GRIA3: variants seen among roughly 807,000 people sequenced by gnomAD.
GRIA3 encodes glutamate receptor 3.
Under a neutral mutation model 63.0 loss-of-function variants are expected in GRIA3, and 3 were observed. That is an observed-to-expected ratio of 0.05 (90% confidence interval 0.02 to 0.12). The LOEUF is 0.12. Ranked by LOEUF, GRIA3 falls within the 10% of genes least tolerant of loss-of-function variation. The pLI is 1.00. For synonymous variants in GRIA3, 274 were observed against 257.9 expected (o/e 1.06, Z -0.60); for missense variants, 347 against 700.9 (o/e 0.50, Z 5.70).
intron 10 of GRIA3, 122 bp from the exon 11 acceptor site, chrX:123,417,280 C>T (rs938512188): frequency 5.3e-5 from 31 of 588,500 alleles, no homozygotes; most frequent in East Asian, 3.4e-5. Context: ...ATTGATAATT[C>T]AATTGGTTGT....
At chrX:123,446,859 C>T (rs2045705508) in intron 12 of GRIA3, among the ~76,000 whole-genome samples, 1 of 111,119 alleles carries the variant, frequency 9.0e-6, no homozygotes, top group African/African-American at 3.3e-5. Context: ...AAAGGAGAAC[C>T]ACATAATTTT....
At position 123,398,598 on chromosome X, in the gene GRIA3, T is replaced by C. The variant is rs767949318; in HGVS notation, c.913-38T>C. On this transcript the variant is annotated intron_variant, in intron 6 of 15. Transcript: ENST00000620443. The stretch of plus-strand genomic sequence containing the variant: ...AACAAGGCAAATTTTGAGGGTATCA[T>C]TTATCATGATATCTTGTTTTTCATG... 3.2e-5 allele frequency: 36 copies of C among 1,134,163 alleles called. No homozygotes were observed. The East Asian group carries it at 8.7e-4, about 27-fold the overall frequency. 93.5% of individuals were successfully genotyped at this position (1,134,163 alleles called of 1,213,427 possible).
intron 2 of GRIA3, among the ~76,000 whole-genome samples, chrX:123,189,953 A>G (rs1927384784): frequency 8.9e-6 from 1 of 112,168 alleles, no homozygotes; most frequent in African/African-American, 3.2e-5. Flanking sequence ...TAGCTGAGAC[A>G]GGTTTCTGTC....
At chrX:123,482,684 C>T (rs948893613) in intron 14 of GRIA3, 115 bp from the exon 15 acceptor site, 1 of 842,910 alleles carries the variant, frequency 1.2e-6, no homozygotes, top group Non-Finnish European at 1.8e-6. Context: ...ATAACACTTA[C>T]ATCAATGTTT....
intron 2 of GRIA3, among the ~76,000 whole-genome samples, chrX:123,194,493 T>C (rs1238783896): frequency 9.0e-6 from 1 of 111,586 alleles, no homozygotes; most frequent in Non-Finnish European, 1.9e-5. Flanking sequence ...AGTAAAGCCA[T>C]TAATGTCCAA....
At chrX:123,362,729 AG>A (rs2045184684) in intron 5 of GRIA3, among the ~76,000 whole-genome samples, 1 of 93,596 alleles carries the variant, frequency 1.1e-5, no homozygotes, top group African/African-American at 4.2e-5. Flanking sequence ...AAAAAAAAAG[AG>A]AGAGAGAGAG....
At chrX:123,283,885 G>T (rs1419441892) in intron 3 of GRIA3, among the ~76,000 whole-genome samples, 1 of 112,888 alleles carries the variant, frequency 8.9e-6, no homozygotes, top group Non-Finnish European at 1.9e-5. Context: ...CCAGCACAGT[G>T]CTGAAGCTCT....
rs766600073 is a variant in GRIA3, at chrX:123,427,773, T to C, written c.1878-168T>C. ...TATGCCATCATGACATGGGGTATTG[T>C]TGTTAACATGTGACCTTTGTTTAAT... On this transcript the variant is annotated intron_variant, in intron 11 of 15. Transcript: ENST00000620443. Among the ~76,000 whole-genome samples, 391 of 111,644 alleles carry C rather than the reference T, an allele frequency of 3.5e-3. 2 individuals are homozygous for C. Among genetic ancestry groups the C allele is most frequent in the South Asian group, 6.9e-3 (18 of 2,619 alleles).
At chrX:123,405,514 T>C (rs2045468699) in intron 10 of GRIA3, among the ~76,000 whole-genome samples, 1 of 111,779 alleles carries the variant, frequency 8.9e-6, no homozygotes, top group South Asian at 3.7e-4. Flanking sequence ...ACATGGCAAA[T>C]AAGGCACTTT....
intron 1 of GRIA3, 124 bp downstream of exon 1, chrX:123,184,768 A>G: frequency 2.9e-6 from 1 of 340,156 alleles, no homozygotes; most frequent in Non-Finnish European, 5.8e-6. Context: ...TGGGGCCGGG[A>G]CCGGGCAGAG....
chrX:123,201,504 G>A (rs190637078), intron 2 of GRIA3, among the ~76,000 whole-genome samples: 2 of 110,734 alleles, frequency 1.8e-5, no homozygotes, highest in Non-Finnish European at 3.8e-5. Flanking sequence ...AATATAGACT[G>A]TTATAGACAG....
chrX:123,433,418 T>G (rs939244028), intron 12 of GRIA3, among the ~76,000 whole-genome samples: 5 of 111,843 alleles, frequency 4.5e-5, no homozygotes, highest in African/African-American at 1.6e-4. Context: ...ATAACTGCAG[T>G]GATTATTTTA....
chrX:123,389,807 G>A (rs1383414771), intron 5 of GRIA3, among the ~76,000 whole-genome samples: 16 of 110,740 alleles, frequency 1.4e-4, no homozygotes, highest in Non-Finnish European at 7.5e-5. Flanking sequence ...TCCTGGGTTC[G>A]CCATTCTCCT....
chrX:123,307,153 T>G (rs2044760004), intron 3 of GRIA3, among the ~76,000 whole-genome samples: 1 of 111,715 alleles, frequency 9.0e-6, no homozygotes, highest in South Asian at 3.8e-4. Flanking sequence ...TTCATTTCCA[T>G]GCCACCACCA....
intron 3 of GRIA3, among the ~76,000 whole-genome samples, chrX:123,256,975 T>C (rs1483532555): frequency 2.7e-5 from 3 of 111,419 alleles, no homozygotes; most frequent in African/African-American, 9.8e-5. Flanking sequence ...CATGGATGAT[T>C]ACTATGTGTT....
intron 2 of GRIA3, among the ~76,000 whole-genome samples, chrX:123,249,522 T>C (rs1276203754): frequency 1.8e-5 from 2 of 111,758 alleles, no homozygotes; most frequent in Non-Finnish European, 3.8e-5. Flanking sequence ...TGTCCTCATA[T>C]GGCAGTTGTC....
intron 3 of GRIA3, among the ~76,000 whole-genome samples, chrX:123,300,610 T>C (rs2044716443): frequency 9.7e-6 from 1 of 103,545 alleles, no homozygotes; most frequent in Non-Finnish European, 2.0e-5. Flanking sequence ...ATTCATTGAT[T>C]TTTTAATGGT....
intron 2 of GRIA3, among the ~76,000 whole-genome samples, chrX:123,230,516 G>T (rs1292119686): frequency 1.8e-5 from 2 of 111,235 alleles, no homozygotes; most frequent in Admixed American, 9.6e-5. Flanking sequence ...GGCTGGTGGG[G>T]GAGATATTTA....
chrX:123,387,631 T>C (rs770634438), intron 5 of GRIA3, among the ~76,000 whole-genome samples: 1 of 112,044 alleles, frequency 8.9e-6, no homozygotes, highest in Non-Finnish European at 1.9e-5. Context: ...TGTTGAGAGT[T>C]TTTATTATGA....
Sources: gnomAD v4.1 joint callset for allele counts (sites outside exome capture counted in the v4.1 genomes callset) on GRCh38, gnomAD v4.1.1 for gene constraint, MANE v1.5 for transcripts, NCBI Gene and HGNC (gene_info 2026-07-23, HGNC 2026-07-21) for gene names.